The following PPP2R2B variants were observed in gnomAD, a reference collection of about 807,000 sequenced individuals.
PPP2R2B encodes serine/threonine-protein phosphatase 2A 55 kDa regulatory subunit B beta isoform.
In PPP2R2B, 5 loss-of-function variants were observed where a neutral mutation model predicts 46.0. That is an observed-to-expected ratio of 0.11 (90% CI 0.06 to 0.23). PPP2R2B has a LOEUF of 0.23. PPP2R2B is among the 10% of genes least tolerant of loss of function. The probability of loss-of-function intolerance (pLI) is 1.00; values close to 1 mark genes in which losing one functional copy is unlikely to be tolerated. For missense variants in PPP2R2B, 367 were observed against 575.0 expected (o/e 0.64, Z 3.70); for synonymous variants, 215 against 206.7 (o/e 1.04, Z -0.34).
chr5:146,970,733 A>G (rs1035478132), intron 1 of PPP2R2B, among the ~76,000 whole-genome samples: 1 of 152,210 alleles, frequency 6.6e-6, no homozygotes, highest in African/African-American at 2.4e-5. Flanking sequence ...CTTGCGGCTC[A>G]TAAGAAGGTC....
chr5:146,968,309 T>C (rs1292082372), intron 1 of PPP2R2B, among the ~76,000 whole-genome samples: 1 of 152,204 alleles, frequency 6.6e-6, no homozygotes, highest in Non-Finnish European at 1.5e-5. Flanking sequence ...TGTTTTCATA[T>C]ATTTATGTAC....
exon 1 of PPP2R2B, chr5:147,081,284 C>T (rs544248533): frequency 1.3e-6 from 2 of 1,535,520 alleles, no homozygotes; most frequent in African/African-American, 2.7e-5. Context: ...GAGAAGAGAC[C>T]CTAGTGAGTC....
At chr5:146,877,243 G>A (rs1648403704) in intron 2 of PPP2R2B, among the ~76,000 whole-genome samples, 2 of 152,308 alleles carry the variant, frequency 1.3e-5, no homozygotes. Context: ...GTCAGAACAA[G>A]CTGGGAGAGA....
intron 8 of PPP2R2B, among the ~76,000 whole-genome samples, chr5:146,597,479 C>T (rs1021811041): frequency 6.6e-6 from 1 of 152,162 alleles, no homozygotes; most frequent in Non-Finnish European, 1.5e-5. Flanking sequence ...TCAATCACTC[C>T]TTTAGCATAT....
chr5:146,930,426 G>A (rs144766793), intron 1 of PPP2R2B, among the ~76,000 whole-genome samples: 283 of 152,250 alleles, frequency 1.9e-3, no homozygotes, highest in African/African-American at 6.6e-3. Context: ...CTTTATTTGT[G>A]GGATGACTTT....
intron 1 of PPP2R2B, among the ~76,000 whole-genome samples, chr5:147,027,599 C>A (rs1372470517): frequency 3.3e-5 from 5 of 150,280 alleles, no homozygotes; most frequent in Non-Finnish European, 5.9e-5. Context: ...CGCCACTGCA[C>A]CCCTCCAGCC....
intron 2 of PPP2R2B, among the ~76,000 whole-genome samples, chr5:146,748,242 C>T (rs1043735564): frequency 6.6e-6 from 1 of 152,112 alleles, no homozygotes; most frequent in African/African-American, 2.4e-5. Flanking sequence ...TGGTTGATTT[C>T]CAAAGCTTGT....
At chr5:146,674,234 T>G (rs466263) in intron 5 of PPP2R2B, among the ~76,000 whole-genome samples, 116,424 of 152,038 alleles carry the variant, frequency 0.77, 46,004 homozygotes, top group Non-Finnish European at 0.86. Flanking sequence ...ATCCCTACTT[T>G]GTTGATGATA....
rs78000487 is a variant in PPP2R2B at position 146,877,184 on chromosome 5, A to C, written c.70+818T>G. Among the ~76,000 whole-genome samples, 246 of 152,330 alleles carry C rather than the reference A, an allele frequency of 1.6e-3. 4 individuals carry two copies. In the East Asian group the frequency reaches 0.039, roughly 24 times the overall value. ...ATTCACACACAAAAGGCAGAATGAG[A>C]TTCCACCTGCTGACTTTCCCTTCCT... On this transcript the variant is annotated intron_variant, in intron 2 of 9. Coordinates refer to ENST00000394411, the MANE Select transcript of PPP2R2B (RefSeq NM_181675.4).
intron 2 of PPP2R2B, among the ~76,000 whole-genome samples, chr5:146,736,921 T>C (rs1240540991): frequency 6.6e-6 from 1 of 152,230 alleles, no homozygotes; most frequent in Non-Finnish European, 1.5e-5. Flanking sequence ...ATGTGAGCCA[T>C]ATATAATTTT....
At chr5:146,877,939 A>G (rs893548756) in intron 2 of PPP2R2B, 63 bp downstream of exon 2, 26 of 1,558,150 alleles carry the variant, frequency 1.7e-5, no homozygotes, top group Non-Finnish European at 2.3e-5. Context: ...GCTGCCCAGG[A>G]AGCACAGTGA....
At position 146,583,497 on chromosome 5, in the gene PPP2R2B, G is replaced by A. The variant is rs1490407856; in HGVS notation, c.*6450C>T. On this transcript the variant is annotated 3_prime_UTR_variant, in exon 10 of 10. Transcript: ENST00000394411. ...GGTTGCTCAGCTTTTACATGGTGGA[G>A]CTCAGATTTTAACCCAGGCAGGCAG... The A allele has an allele frequency of 6.6e-6, 1 of 152,122 alleles. No homozygotes were observed. The highest frequency in any genetic ancestry group is 2.4e-5 in the African/African-American group (1 of 41,430). 9.4% of individuals were successfully genotyped at this position (152,122 alleles called of 1,614,324 possible). A position where few individuals can be genotyped will look rare whatever the true frequency, so the allele number is the denominator to read the frequency against.
At position 146,586,296 on chromosome 5, in the gene PPP2R2B, G is replaced by C. The variant is rs1236396542; in HGVS notation, c.*3651C>G. On this transcript the variant is annotated 3_prime_UTR_variant, in exon 10 of 10. Transcript: ENST00000394411. Reference sequence around the variant, plus strand: ...TCACGGAAGAGGGAAAATTAGTAAGGGTTCCACCATTCAGGCTGTGGACTA... The same window carrying C: ...TCACGGAAGAGGGAAAATTAGTAAGCGTTCCACCATTCAGGCTGTGGACTA... 2.6e-5 allele frequency: 4 copies of C among 152,170 alleles called. No homozygotes were observed. The highest frequency in any genetic ancestry group is 4.8e-5 in the African/African-American group (2 of 41,426). 9.4% of individuals were successfully genotyped at this position (152,170 alleles called of 1,614,324 possible).
At chr5:146,978,702 G>C (rs1166439090) in intron 1 of PPP2R2B, among the ~76,000 whole-genome samples, 2 of 152,002 alleles carry the variant, frequency 1.3e-5, no homozygotes, top group African/African-American at 2.4e-5. Flanking sequence ...TTATTCCTGA[G>C]GCCTTTTTTC....
intron 7 of PPP2R2B, among the ~76,000 whole-genome samples, chr5:146,608,148 A>C (rs1178593389): frequency 6.6e-6 from 1 of 152,188 alleles, no homozygotes; most frequent in African/African-American, 2.4e-5. Context: ...AGGAGGGGGC[A>C]TCCTATCTAG....
At chr5:146,936,909 T>G (rs1764163521) in intron 1 of PPP2R2B, among the ~76,000 whole-genome samples, 3 of 151,292 alleles carry the variant, frequency 2.0e-5, no homozygotes. Flanking sequence ...GGACAGTCCC[T>G]GTACTAAATG....
chr5:146,656,684 C>T (rs886271136), intron 5 of PPP2R2B: 4 of 152,524 alleles, frequency 2.6e-5, no homozygotes, highest in African/African-American at 4.8e-5. Context: ...AGGCACGTGC[C>T]ATGTACCTGT....
intron 1 of PPP2R2B, among the ~76,000 whole-genome samples, chr5:146,886,232 G>C (rs319199): frequency 0.24 from 37,092 of 151,522 alleles, 4,649 homozygotes; most frequent in East Asian, 0.35. Flanking sequence ...CCAGTTACTC[G>C]GGAAGCTGAG....
rs1056287547 is a variant in PPP2R2B, at chr5:146,586,174, T to A, written c.*3773A>T. 1 of 152,236 alleles carries A rather than the reference T, an allele frequency of 6.6e-6. No individual in the cohort carries two copies. Among genetic ancestry groups the A allele is most frequent in the African/African-American group, 2.4e-5 (1 of 41,430 alleles). 9.4% of individuals were successfully genotyped at this position (152,236 alleles called of 1,614,324 possible). ...ACTTCCAAGATCAGATGAGATCGGGTGCATTCAGGGTGGTATGTCCAAAGA... is the reference window on the plus strand; with the variant it reads ...ACTTCCAAGATCAGATGAGATCGGGAGCATTCAGGGTGGTATGTCCAAAGA... On this transcript the variant is annotated 3_prime_UTR_variant, in exon 10 of 10. Coordinates refer to ENST00000394411, the MANE Select transcript of PPP2R2B (RefSeq NM_181675.4).
Sources: allele counts gnomAD v4.1 joint callset (sites outside exome capture counted in the v4.1 genomes callset), GRCh38; gene constraint gnomAD v4.1.1; transcripts MANE v1.5; gene names NCBI Gene and HGNC (gene_info 2026-07-23, HGNC 2026-07-21).